The following RBMS3 variants were observed in gnomAD, a reference collection of about 807,000 sequenced individuals.
The protein encoded by RBMS3 is RNA-binding motif, single-stranded-interacting protein 3.
Under a neutral mutation model 66.8 loss-of-function variants are expected in RBMS3, and 27 were observed. That is an observed-to-expected ratio of 0.40 (90% CI 0.30 to 0.56). RBMS3 has a LOEUF of 0.56. Among genes scored for constraint, RBMS3 ranks in the 20% least tolerant of loss-of-function variants. The probability of loss-of-function intolerance (pLI) is 0.40; values close to 1 mark genes in which losing one functional copy is unlikely to be tolerated. For synonymous variants in RBMS3, 188 were observed against 183.0 expected, an observed-to-expected ratio of 1.03 and a Z score of -0.22; for missense variants, 513 against 549.5, an observed-to-expected ratio of 0.93 and a Z score of 0.66.
chr3:29,986,924 C>G (rs1698428355), intron 12 of RBMS3, among the ~76,000 whole-genome samples: 1 of 152,076 alleles, frequency 6.6e-6, no homozygotes, highest in Non-Finnish European at 1.5e-5. Context: ...TTCTGGGCAA[C>G]AGAATGAAAC....
intron 12 of RBMS3, among the ~76,000 whole-genome samples, chr3:29,961,682 CA>C (rs1696458254): frequency 6.6e-6 from 1 of 151,864 alleles, no homozygotes; most frequent in East Asian, 1.9e-4. Flanking sequence ...AAGTGCCAAG[CA>C]AAGAAGGAAA....
At chr3:29,370,381 T>G (rs968878240) in intron 1 of RBMS3, among the ~76,000 whole-genome samples, 1 of 152,210 alleles carries the variant, frequency 6.6e-6, no homozygotes, top group African/African-American at 2.4e-5. Flanking sequence ...ATAACTTGTT[T>G]TGGGAGTTCT....
At chr3:29,579,161 C>T in intron 3 of RBMS3, among the ~76,000 whole-genome samples, 1 of 152,174 alleles carries the variant, frequency 6.6e-6, no homozygotes, top group Admixed American at 6.5e-5. Context: ...CTTTTCTGCT[C>T]TGAACTATTT....
intron 1 of RBMS3, among the ~76,000 whole-genome samples, chr3:29,384,999 C>A (rs547958932): frequency 6.6e-6 from 1 of 152,216 alleles, no homozygotes; most frequent in South Asian, 2.1e-4. Flanking sequence ...AAATGTGTTG[C>A]CGAACAAACC....
chr3:29,505,672 G>A (rs1329425481), intron 3 of RBMS3, among the ~76,000 whole-genome samples: 1 of 151,684 alleles, frequency 6.6e-6, no homozygotes, highest in Non-Finnish European at 1.5e-5. Context: ...GCTTTGGGTA[G>A]TATGGGCATC....
At position 29,310,743 on chromosome 3, in the gene RBMS3, C is replaced by T. The variant is rs1387779691; in HGVS notation, c.75+28987C>T. Among the ~76,000 whole-genome samples, 7 of 151,680 alleles carry T rather than the reference C, an allele frequency of 4.6e-5. No individual in the cohort carries two copies. In the South Asian group the frequency reaches 8.3e-4, roughly 18 times the overall value. On this transcript the variant is annotated intron_variant, in intron 1 of 14. Coordinates refer to ENST00000383767, the MANE Select transcript of RBMS3 (RefSeq NM_001003793.3). ...CTGAAGGGAAAGATCACTCAAGATG[C>T]GCTCCTTGGGGTAAATTGATGTGAT... is the stretch of plus-strand genomic sequence containing the variant.
intron 1 of RBMS3, among the ~76,000 whole-genome samples, chr3:29,389,117 A>ATTATTTG (rs2039156771): frequency 6.6e-6 from 1 of 152,216 alleles, no homozygotes; most frequent in African/African-American, 2.4e-5. Context: ...TGCTCCCTCT[A>ATTATTTG]GACAAGCAAA....
chr3:29,456,356 T>TA (rs2125770772), intron 2 of RBMS3, among the ~76,000 whole-genome samples: 1 of 152,316 alleles, frequency 6.6e-6, no homozygotes, highest in African/African-American at 2.4e-5. Context: ...TACCATATTA[T>TA]ACTAAAAATA....
chr3:29,449,128 A>G (rs1034329706), intron 2 of RBMS3, among the ~76,000 whole-genome samples: 3 of 152,232 alleles, frequency 2.0e-5, no homozygotes, highest in African/African-American at 7.2e-5. Context: ...AATGCTTGTC[A>G]GTGGCTACAA....
chr3:29,284,831 C>G (rs1251198529), intron 1 of RBMS3, among the ~76,000 whole-genome samples: 2 of 127,800 alleles, frequency 1.6e-5, no homozygotes, highest in African/African-American at 2.9e-5. Context: ...AAAAAGTTGT[C>G]ATTTGTCAAT....
intron 10 of RBMS3, among the ~76,000 whole-genome samples, chr3:29,929,789 C>A (rs2061059439): frequency 6.6e-6 from 1 of 152,038 alleles, no homozygotes; most frequent in African/African-American, 2.4e-5. Context: ...AAACATTATA[C>A]CCCTAGCCCA....
intron 4 of RBMS3, among the ~76,000 whole-genome samples, chr3:29,737,232 C>T (rs915094750): frequency 6.6e-6 from 1 of 152,162 alleles, no homozygotes; most frequent in Non-Finnish European, 1.5e-5. Context: ...GCCTCGGCCT[C>T]CCAAAGTGCT....
chr3:29,999,252 G>T (rs1052416104), intron 14 of RBMS3, among the ~76,000 whole-genome samples: 1 of 152,166 alleles, frequency 6.6e-6, no homozygotes, highest in Admixed American at 6.5e-5. Flanking sequence ...TCATTAAAAA[G>T]TCAGGAAACA....
intron 4 of RBMS3, among the ~76,000 whole-genome samples, chr3:29,690,216 G>A (rs1275084352): frequency 3.9e-5 from 6 of 152,048 alleles, no homozygotes; most frequent in Non-Finnish European, 7.4e-5. Flanking sequence ...TTGGAAGCCC[G>A]AAGTGGGAGG....
chr3:29,905,724 C>A (rs113760047), intron 10 of RBMS3, among the ~76,000 whole-genome samples: 3,554 of 152,064 alleles, frequency 0.023, 152 homozygotes, highest in African/African-American at 0.082. Flanking sequence ...CCACACATAA[C>A]ATACACTAAA....
At chr3:29,632,719 T>A (rs1239367288) in intron 4 of RBMS3, among the ~76,000 whole-genome samples, 1 of 151,832 alleles carries the variant, frequency 6.6e-6, no homozygotes, top group Admixed American at 6.6e-5. Flanking sequence ...AAAGGTAACT[T>A]CTTTGAACGA....
At chr3:29,985,769 T>C (rs1698345029) in intron 12 of RBMS3, among the ~76,000 whole-genome samples, 1 of 152,172 alleles carries the variant, frequency 6.6e-6, no homozygotes, top group Admixed American at 6.5e-5. Context: ...TGCTGGGAGA[T>C]GCAGACCAGA....
At chr3:29,310,274 A>G (rs1353751090) in intron 1 of RBMS3, among the ~76,000 whole-genome samples, 1 of 151,668 alleles carries the variant, frequency 6.6e-6, no homozygotes, top group Non-Finnish European at 1.5e-5. Context: ...TAATCTCAGT[A>G]AAGTAGGTCA....
At chr3:29,423,159 G>A (rs935611423) in intron 1 of RBMS3, among the ~76,000 whole-genome samples, 1 of 152,120 alleles carries the variant, frequency 6.6e-6, no homozygotes, top group Non-Finnish European at 1.5e-5. Context: ...TTTTGGGATG[G>A]CAGGTAAAGT....
Sources: allele counts gnomAD v4.1 joint callset (sites outside exome capture counted in the v4.1 genomes callset), GRCh38; gene constraint gnomAD v4.1.1; transcripts MANE v1.5; gene names NCBI Gene and HGNC (gene_info 2026-07-23, HGNC 2026-07-21).